Variants in MYO16 observed in about 807,000 individuals in gnomAD.
MYO16 encodes myosin XVI.
MYO16 carries 94 observed loss-of-function variants against 205.3 expected under a neutral mutation model. The observed-to-expected ratio is 0.46, with a 90% CI of 0.39 to 0.54. MYO16 has a LOEUF of 0.54. Among genes scored for constraint, MYO16 ranks in the 20% least tolerant of loss-of-function variants. MYO16 has a pLI of 0.00. For missense variants in MYO16, 2,315 were observed against 2,387.5 expected, an observed-to-expected ratio of 0.97 and a Z score of 0.63; for synonymous variants, 988 against 954.0, an observed-to-expected ratio of 1.04 and a Z score of -0.66.
At chr13:109,018,538 G>A (rs944853588) in intron 22 of MYO16, among the ~76,000 whole-genome samples, 2 of 152,278 alleles carry the variant, frequency 1.3e-5, no homozygotes, top group African/African-American at 2.4e-5. Flanking sequence ...AGACAGGGAC[G>A]TTTAAGTCTG....
At chr13:108,852,705 A>G (rs547800400) in intron 10 of MYO16, among the ~76,000 whole-genome samples, 22 of 152,076 alleles carry the variant, frequency 1.4e-4, no homozygotes, top group African/African-American at 4.6e-4. Context: ...AGGAAGTTAC[A>G]TGGTCTCCGT....
At chr13:108,790,324 C>A (rs196134) in intron 5 of MYO16, among the ~76,000 whole-genome samples, 151,427 of 152,338 alleles carry the variant, frequency 0.99, 75,265 homozygotes, top group Middle Eastern at 1. Context: ...TCAGTTTTGC[C>A]CAAGTATCCA....
chr13:108,555,715 C>G, the MYO16 span, among the ~76,000 whole-genome samples: 1 of 152,174 alleles, frequency 6.6e-6, no homozygotes, highest in Non-Finnish European at 1.5e-5. Context: ...TGAAGTTTCA[C>G]ATGTTTTGAC....
rs537586049 is a variant in MYO16 at position 108,714,491 on chromosome 13, TGAGA to T, written c.363+1765_363+1768del. On this transcript the variant is annotated intron_variant, in intron 3 of 34. Coordinates refer to ENST00000457511, the MANE Select transcript of MYO16 (RefSeq NM_001198950.3). ...AGTGTTATTTCTGTGTATTTATGTG[TGAGA>T]GAGAAAGAGGAAGGAAAGGAGAAGG... Among the ~76,000 whole-genome samples the T allele has an allele frequency of 1.4e-4, 22 of 151,876 alleles. No individual in the cohort carries two copies. In the East Asian group the frequency reaches 4.3e-3, roughly 29 times the overall value.
At chr13:109,094,533 A>G (rs9587772) in intron 27 of MYO16, among the ~76,000 whole-genome samples, 2 of 152,062 alleles carry the variant, frequency 1.3e-5, no homozygotes, top group African/African-American at 2.4e-5. Flanking sequence ...TCTTTAAATT[A>G]TTATTATTAT....
intron 27 of MYO16, among the ~76,000 whole-genome samples, chr13:109,067,876 A>G (rs969854996): frequency 6.6e-6 from 1 of 152,168 alleles, no homozygotes; most frequent in African/African-American, 2.4e-5. Context: ...ATGTCTACAA[A>G]TGAAGGATTG....
intron 28 of MYO16, among the ~76,000 whole-genome samples, chr13:109,120,070 A>G (rs764372484): frequency 6.6e-6 from 1 of 152,234 alleles, no homozygotes; most frequent in Non-Finnish European, 1.5e-5. Flanking sequence ...GGATGCTCTT[A>G]TCTTCTGACT....
chr13:108,505,563 T>C, the MYO16 span, among the ~76,000 whole-genome samples: 385 of 152,316 alleles, frequency 2.5e-3, 6 homozygotes, highest in South Asian at 0.026. Flanking sequence ...TCTTTACATA[T>C]ACTGGATATT....
intron 28 of MYO16, among the ~76,000 whole-genome samples, chr13:109,105,057 A>G (rs1052177216): frequency 1.3e-5 from 2 of 152,226 alleles, no homozygotes; most frequent in African/African-American, 4.8e-5. Context: ...CCAGCATAGA[A>G]GCCAGAGAAA....
intron 4 of MYO16, among the ~76,000 whole-genome samples, chr13:108,767,052 A>G (rs1885799141): frequency 6.6e-6 from 1 of 151,924 alleles, no homozygotes; most frequent in Non-Finnish European, 1.5e-5. Context: ...GAACTTCCAT[A>G]AATATATTTT....
chr13:109,123,061 G>A (rs2139766021), intron 29 of MYO16, among the ~76,000 whole-genome samples: 1 of 152,278 alleles, frequency 6.6e-6, no homozygotes, highest in African/African-American at 2.4e-5. Context: ...TATCCTGGAT[G>A]AAAAATATCT....
chr13:108,955,035 T>A (rs1883295663), intron 16 of MYO16, among the ~76,000 whole-genome samples: 1 of 152,180 alleles, frequency 6.6e-6, no homozygotes, highest in Non-Finnish European at 1.5e-5. Context: ...CCGCAGCAAA[T>A]GTCTTAGGTT....
chr13:108,601,978 G>A (rs1425607740), intron 1 of MYO16, among the ~76,000 whole-genome samples: 1 of 151,890 alleles, frequency 6.6e-6, no homozygotes, highest in Non-Finnish European at 1.5e-5. Flanking sequence ...GGTCATATTA[G>A]GAGGCTGGGC....
At chr13:109,022,265 A>C (rs1266375965) in intron 23 of MYO16, among the ~76,000 whole-genome samples, 2 of 131,430 alleles carry the variant, frequency 1.5e-5, no homozygotes, top group African/African-American at 5.9e-5. Context: ...ATATATATAC[A>C]TATACATATT....
chr13:108,896,236 AT>A (rs1880406838), intron 14 of MYO16, among the ~76,000 whole-genome samples: 1 of 152,196 alleles, frequency 6.6e-6, no homozygotes. Context: ...GACTTTAAAA[AT>A]AATTGTTTAA....
intron 28 of MYO16, among the ~76,000 whole-genome samples, chr13:109,118,619 T>C (rs1171958137): frequency 6.6e-6 from 1 of 152,104 alleles, no homozygotes; most frequent in African/African-American, 2.4e-5. Context: ...TCTTTGGGAG[T>C]TAGTCTCCCA....
intron 4 of MYO16, among the ~76,000 whole-genome samples, chr13:108,729,581 AT>A (rs1357849396): frequency 6.6e-6 from 1 of 152,212 alleles, no homozygotes; most frequent in Non-Finnish European, 1.5e-5. Context: ...TATTAATTAA[AT>A]TAAGCCGTGC....
chr13:109,174,941 A>G (rs752298057), intron 33 of MYO16, among the ~76,000 whole-genome samples: 11 of 151,264 alleles, frequency 7.3e-5, no homozygotes, highest in Non-Finnish European at 1.3e-4. Context: ...TAGTAGAGGC[A>G]GGGTTTCACC....
the MYO16 span, among the ~76,000 whole-genome samples, chr13:108,590,621 T>C: frequency 6.6e-6 from 1 of 152,126 alleles, no homozygotes. Flanking sequence ...ACTGATGTTC[T>C]TATGAGAGGA....
Sources: allele counts gnomAD v4.1 joint callset (sites outside exome capture counted in the v4.1 genomes callset), GRCh38; gene constraint gnomAD v4.1.1; transcripts MANE v1.5; gene names NCBI Gene and HGNC (gene_info 2026-07-23, HGNC 2026-07-21).